The following MAP4K5 variants were observed in gnomAD, a reference collection of about 807,000 sequenced individuals.
The protein encoded by MAP4K5 is mitogen-activated protein kinase kinase kinase kinase 5.
Under a neutral mutation model 135.6 loss-of-function variants are expected in MAP4K5, and 82 were observed. The ratio of observed to expected loss-of-function variants is 0.60; its 90% confidence interval spans 0.51 to 0.73. The LOEUF (loss-of-function observed/expected upper bound fraction) is 0.73. Ranked by LOEUF, MAP4K5 falls within the 30% of genes least tolerant of loss-of-function variation. MAP4K5 has a pLI of 0.00. For synonymous variants in MAP4K5, 347 were observed against 335.0 expected, an observed-to-expected ratio of 1.04 and a Z score of -0.39; for missense variants, 907 against 1,010.9, an observed-to-expected ratio of 0.90 and a Z score of 1.39.
At chr14:50,486,537 T>C (rs2037366953) in intron 3 of MAP4K5, among the ~76,000 whole-genome samples, 1 of 152,184 alleles carries the variant, frequency 6.6e-6, no homozygotes, top group African/African-American at 2.4e-5. Flanking sequence ...AAAAAGATTA[T>C]ATATTATTTA....
chr14:50,473,554 T>A (rs548375651), intron 9 of MAP4K5, among the ~76,000 whole-genome samples: 1 of 152,164 alleles, frequency 6.6e-6, no homozygotes, highest in Non-Finnish European at 1.5e-5. Flanking sequence ...CCTGTTTTTT[T>A]ACTTGCCTTT....
chr14:50,433,307 C>G (rs191134518), intron 28 of MAP4K5, among the ~76,000 whole-genome samples: 12 of 152,292 alleles, frequency 7.9e-5, no homozygotes, highest in African/African-American at 2.6e-4. Context: ...ATAATGTGAC[C>G]TCTTCCATAA....
Position 50,546,146 on chromosome 14 carries a change from G to A in MAP4K5, c.-179-3562C>T, listed in dbSNP as rs7152186. 5.5e-3 allele frequency among the ~76,000 whole-genome samples: 833 copies of A among 152,206 alleles called. 3 individuals carry two copies. The highest frequency in any genetic ancestry group is 8.8e-3 in the Non-Finnish European group (595 of 67,998). On this transcript the variant is annotated intron_variant, in intron 1 of 8. Coordinates refer to the MAP4K5 transcript ENST00000555216. The stretch of plus-strand genomic sequence containing the variant: ...CATTTGAAACTGAAGAAAAAAAAGA[G>A]GGTAAAAGAAGTTTTTTAAAAAATC...
intron 2 of MAP4K5, among the ~76,000 whole-genome samples, chr14:50,517,260 T>G (rs1174685309): frequency 1.3e-5 from 2 of 151,580 alleles, no homozygotes; most frequent in Non-Finnish European, 2.9e-5. Flanking sequence ...GAAGCAATTC[T>G]CCTGCCTCAG....
intron 2 of MAP4K5, among the ~76,000 whole-genome samples, chr14:50,525,384 T>C (rs1324686030): frequency 6.6e-6 from 1 of 152,360 alleles, no homozygotes; most frequent in Non-Finnish European, 1.5e-5. Context: ...ATCTTCTAAA[T>C]ATGACTCAAA....
Position 50,469,219 on chromosome 14 carries a change from C to T in MAP4K5, c.543-437G>A, listed in dbSNP as rs112228454. Among the ~76,000 whole-genome samples the T allele has an allele frequency of 2.7e-3, 411 of 152,206 alleles. 1 individual carries two copies. Among genetic ancestry groups the T allele is most frequent in the African/African-American group, 9.1e-3 (380 of 41,534 alleles). ...CCAGCAAAGCTGACAGGACAGTGCT[C>T]AATGTATCACCTGCAAACTGATAAG... On this transcript the variant is annotated intron_variant, in intron 9 of 32. Coordinates refer to ENST00000682126, the MANE Select transcript of MAP4K5 (RefSeq NM_006575.6).
At chr14:50,439,790 GT>G (rs1301672031) in intron 23 of MAP4K5, among the ~76,000 whole-genome samples, 1 of 152,160 alleles carries the variant, frequency 6.6e-6, no homozygotes, top group Non-Finnish European at 1.5e-5. Context: ...CCCTTCAGGT[GT>G]TTAGATGCTG....
chr14:50,439,943 A>G (rs55748673), intron 23 of MAP4K5, 70 bp downstream of exon 23: 39 of 1,296,534 alleles, frequency 3.0e-5, no homozygotes, highest in Non-Finnish European at 4.1e-5. Flanking sequence ...AATAACATTT[A>G]AAAATGGTGT....
intron 6 of MAP4K5, among the ~76,000 whole-genome samples, chr14:50,476,817 T>C (rs1405505742): frequency 6.6e-6 from 1 of 152,198 alleles, no homozygotes; most frequent in East Asian, 1.9e-4. Context: ...CTAAACACAA[T>C]CAAGATATCA....
At chr14:50,530,568 G>T (rs910705138) in intron 2 of MAP4K5, among the ~76,000 whole-genome samples, 2 of 152,150 alleles carry the variant, frequency 1.3e-5, no homozygotes, top group Non-Finnish European at 2.9e-5. Context: ...ATTTTCTGAA[G>T]AGCATTCCAC....
At chr14:50,518,175 G>A (rs1473814933) in intron 2 of MAP4K5, among the ~76,000 whole-genome samples, 1 of 152,182 alleles carries the variant, frequency 6.6e-6, no homozygotes, top group Non-Finnish European at 1.5e-5. Flanking sequence ...TAAATAAGAA[G>A]TTATAAATGA....
chr14:50,494,199 C>T (rs1024155799), intron 3 of MAP4K5, among the ~76,000 whole-genome samples: 14 of 151,446 alleles, frequency 9.2e-5, no homozygotes, highest in African/African-American at 3.2e-4. Flanking sequence ...GACAGAGTCT[C>T]GCCTGTCACC....
At chr14:50,454,114 A>G (rs781419529) in intron 14 of MAP4K5, among the ~76,000 whole-genome samples, 2 of 152,204 alleles carry the variant, frequency 1.3e-5, no homozygotes, top group Non-Finnish European at 2.9e-5. Flanking sequence ...AACTATTACT[A>G]CACATGACTC....
intron 6 of MAP4K5, among the ~76,000 whole-genome samples, chr14:50,481,769 C>T (rs2037248520): frequency 6.6e-6 from 1 of 152,066 alleles, no homozygotes; most frequent in African/African-American, 2.4e-5. Context: ...TTCTCACAGG[C>T]CCTGAAGTAA....
At chr14:50,537,318 T>G (rs190974736), upstream of MAP4K5, among the ~76,000 whole-genome samples, 1 of 152,314 alleles carries the variant, frequency 6.6e-6, no homozygotes, top group Non-Finnish European at 1.5e-5. Flanking sequence ...TTGGGAATCT[T>G]TGCCTAGATT....
At chr14:50,458,045 G>A (rs144069800) in intron 13 of MAP4K5, among the ~76,000 whole-genome samples, 12 of 152,214 alleles carry the variant, frequency 7.9e-5, no homozygotes, top group African/African-American at 2.6e-4. Flanking sequence ...TCTAATCTGA[G>A]CTCCGACTTT....
intron 1 of MAP4K5, among the ~76,000 whole-genome samples, chr14:50,554,748 G>A (rs181879314): frequency 6.6e-6 from 1 of 152,314 alleles, no homozygotes; most frequent in East Asian, 1.9e-4. Context: ...TGGATCTCTA[G>A]AGCTATCCTG....
Position 50,443,925 on chromosome 14 carries a change from C to T in MAP4K5, c.1437+14G>A. 1 of 1,581,212 alleles carries T rather than the reference C, an allele frequency of 6.3e-7. No homozygotes were observed. The highest frequency in any genetic ancestry group is 8.6e-7 in the Non-Finnish European group (1 of 1,156,482). On this transcript the variant is annotated intron_variant, in intron 19 of 32. Transcript: ENST00000682126. ...ATTATTTACAACTAATTGCTAAATG[C>T]CTGTTATACCTACAGGGAAGTCTCG...
intron 3 of MAP4K5, among the ~76,000 whole-genome samples, chr14:50,495,396 A>AC (rs1265035415): frequency 1.3e-5 from 2 of 152,250 alleles, no homozygotes; most frequent in Non-Finnish European, 2.9e-5. Context: ...TAGGATGGCT[A>AC]CAATTAAAAA....
Sources: allele counts gnomAD v4.1 joint callset (sites outside exome capture counted in the v4.1 genomes callset), GRCh38; gene constraint gnomAD v4.1.1; transcripts MANE v1.5; gene names NCBI Gene and HGNC (gene_info 2026-07-23, HGNC 2026-07-21).